The following EXOC2 variants were observed in gnomAD, a reference collection of about 807,000 sequenced individuals.
The protein encoded by EXOC2 is exocyst complex component 2.
In EXOC2, 70 loss-of-function variants were observed where a neutral mutation model predicts 131.8. The observed-to-expected ratio is 0.53, with a 90% confidence interval of 0.44 to 0.65. EXOC2 has a LOEUF of 0.65. EXOC2 is among the 30% of genes least tolerant of loss of function. The probability of loss-of-function intolerance (pLI) is 0.00; values close to 1 mark genes in which losing one functional copy is unlikely to be tolerated. For missense variants in EXOC2, 923 were observed against 1,108.6 expected, an observed-to-expected ratio of 0.83 and a Z score of 2.38; for synonymous variants, 411 against 398.4, an observed-to-expected ratio of 1.03 and a Z score of -0.38.
chr6:531,779 T>C (rs1374094193), intron 23 of EXOC2, among the ~76,000 whole-genome samples: 2 of 152,244 alleles, frequency 1.3e-5, no homozygotes, highest in African/African-American at 4.8e-5. Flanking sequence ...CACTTCTACA[T>C]AAACTACTTC....
In EXOC2 at chr6:654,378, G is replaced by A. The variant is rs546798240; in HGVS notation, c.-43-16517C>T. On this transcript the variant is annotated intron_variant, in intron 1 of 27. Coordinates refer to ENST00000230449, the MANE Select transcript of EXOC2 (RefSeq NM_018303.6). ...GAACACTGATGATTCATGGGAAGAG[G>A]TAAAAATATCAACATTAACAGGAAT... is the stretch of plus-strand genomic sequence containing the variant. Among the ~76,000 whole-genome samples the A allele has an allele frequency of 5.3e-5, 8 of 152,272 alleles. No individual in the cohort carries two copies. In the South Asian group the frequency reaches 1.7e-3, roughly 32 times the overall value.
chr6:503,341 A>G (rs542696092), intron 23 of EXOC2, among the ~76,000 whole-genome samples: 2 of 152,290 alleles, frequency 1.3e-5, no homozygotes, highest in South Asian at 4.2e-4. Context: ...ACACGTATAC[A>G]TCTCCAGTAT....
At chr6:617,178 T>C (rs1761056786) in intron 6 of EXOC2, among the ~76,000 whole-genome samples, 1 of 152,142 alleles carries the variant, frequency 6.6e-6, no homozygotes, top group Admixed American at 6.5e-5. Flanking sequence ...TTAAAAGCAG[T>C]TTTATAAAAA....
intron 11 of EXOC2, among the ~76,000 whole-genome samples, chr6:579,896 AAC>A (rs1306272039): frequency 5.9e-5 from 9 of 152,354 alleles, no homozygotes; most frequent in Non-Finnish European, 5.9e-5. Context: ...AAAAGAAAAA[AAC>A]AGTTTCCATA....
Position 501,680 on chromosome 6 carries a change from A to C in EXOC2, c.2381-1980T>G, listed in dbSNP as rs1446075358. 6.7e-5 allele frequency among the ~76,000 whole-genome samples: 8 copies of C among 119,544 alleles called. 1 individual carries two copies. Among genetic ancestry groups the C allele is most frequent in the South Asian group, 2.3e-4 (1 of 4,362 alleles). The allele number at this position is 119,544 out of a possible 152,430, so 78.4% of individuals were successfully genotyped here. Reference sequence around the variant, plus strand: ...ATATATCTATCTATAAAAGATATATATATCTATAAAAGATATATATATCTC... The same window carrying C: ...ATATATCTATCTATAAAAGATATATCTATCTATAAAAGATATATATATCTC... On this transcript the variant is annotated intron_variant, in intron 23 of 27. Transcript: ENST00000230449.
intron 1 of EXOC2, among the ~76,000 whole-genome samples, chr6:641,502 T>C (rs556731299): frequency 1.3e-5 from 2 of 152,298 alleles, no homozygotes; most frequent in Admixed American, 6.5e-5. Flanking sequence ...ACCAACCTCC[T>C]GTGGAGAGGC....
At chr6:497,805 T>C (rs897578136) in intron 24 of EXOC2, among the ~76,000 whole-genome samples, 3 of 152,208 alleles carry the variant, frequency 2.0e-5, no homozygotes, top group Admixed American at 6.5e-5. Flanking sequence ...GAAACATCTC[T>C]AAAGAAGAAA....
chr6:605,556 T>C (rs1760361696), intron 7 of EXOC2, among the ~76,000 whole-genome samples: 1 of 152,236 alleles, frequency 6.6e-6, no homozygotes, highest in Admixed American at 6.5e-5. Flanking sequence ...ATATCCCCTT[T>C]ATCATTTTTT....
chr6:581,628 T>G (rs931446616), intron 11 of EXOC2, among the ~76,000 whole-genome samples: 1 of 152,190 alleles, frequency 6.6e-6, no homozygotes, highest in Non-Finnish European at 1.5e-5. Flanking sequence ...TCTTAGGATC[T>G]AGCTATATCT....
chr6:642,503 C>T (rs1762400036), intron 1 of EXOC2, among the ~76,000 whole-genome samples: 1 of 152,096 alleles, frequency 6.6e-6, no homozygotes, highest in African/African-American at 2.4e-5. Flanking sequence ...GTAGGAAAAA[C>T]ACTTGGATTT....
chr6:507,519 C>T (rs1168879899), intron 23 of EXOC2, among the ~76,000 whole-genome samples: 1 of 152,076 alleles, frequency 6.6e-6, no homozygotes, highest in Admixed American at 6.5e-5. Context: ...GCATGAAATA[C>T]AATTGTTCAG....
chr6:671,896 G>A (rs1334819694), intron 1 of EXOC2, among the ~76,000 whole-genome samples: 3 of 151,998 alleles, frequency 2.0e-5, no homozygotes, highest in Admixed American at 1.3e-4. Context: ...TATGCTAAGT[G>A]TAGATTTTTT....
At chr6:616,462 G>C (rs1761007493) in intron 6 of EXOC2, among the ~76,000 whole-genome samples, 1 of 151,796 alleles carries the variant, frequency 6.6e-6, no homozygotes, top group South Asian at 2.1e-4. Context: ...AATTAGCCGG[G>C]CGCAGTGGCG....
intron 1 of EXOC2, among the ~76,000 whole-genome samples, chr6:655,210 T>C (rs1015198977): frequency 6.6e-6 from 1 of 152,210 alleles, no homozygotes; most frequent in African/African-American, 2.4e-5. Context: ...ACCACTGGAA[T>C]CAGTCAGCAG....
chr6:656,712 A>AT, intron 1 of EXOC2: 1 of 1,602,010 alleles, frequency 6.2e-7, no homozygotes, highest in Non-Finnish European at 8.5e-7. Context: ...CTCCAGGTGG[A>AT]TCTCATCGAG....
At chr6:545,202 G>A (rs1430487629) in intron 22 of EXOC2, among the ~76,000 whole-genome samples, 1 of 149,016 alleles carries the variant, frequency 6.7e-6, no homozygotes, top group Non-Finnish European at 1.5e-5. Context: ...TTTAATGCCA[G>A]CCATGTTTAA....
chr6:662,976 G>C (rs1253602127), intron 1 of EXOC2, among the ~76,000 whole-genome samples: 1 of 151,822 alleles, frequency 6.6e-6, no homozygotes, highest in African/African-American at 2.4e-5. Context: ...GGGTGGCAGA[G>C]CAAGACTTTG....
chr6:621,662 G>A (rs766295104), intron 4 of EXOC2, among the ~76,000 whole-genome samples: 2 of 152,062 alleles, frequency 1.3e-5, no homozygotes, highest in Non-Finnish European at 2.9e-5. Flanking sequence ...AGACTGAGTC[G>A]ATCGTGCATC....
chr6:488,288 CAT>C (rs1212175053), intron 27 of EXOC2, among the ~76,000 whole-genome samples: 2 of 152,172 alleles, frequency 1.3e-5, no homozygotes, highest in Non-Finnish European at 2.9e-5. Context: ...CAGTGCACCA[CAT>C]GTGCCTGTCT....
Sources: gnomAD v4.1 joint callset for allele counts (sites outside exome capture counted in the v4.1 genomes callset) on GRCh38, gnomAD v4.1.1 for gene constraint, MANE v1.5 for transcripts, NCBI Gene and HGNC (gene_info 2026-07-23, HGNC 2026-07-21) for gene names.